The following INTS7 variants were observed in gnomAD, a reference collection of about 807,000 sequenced individuals.
INTS7 encodes chromosome 1 open reading frame 73.
Under a neutral mutation model 109.2 loss-of-function variants are expected in INTS7, and 46 were observed. That is an observed-to-expected ratio of 0.42 (90% confidence interval 0.33 to 0.54). INTS7 has a LOEUF of 0.54. Among genes scored for constraint, INTS7 ranks in the 20% least tolerant of loss-of-function variants. INTS7 has a pLI of 0.07. For missense variants in INTS7, 929 were observed against 1,132.4 expected (o/e 0.82, Z 2.58); for synonymous variants, 412 against 402.9 (o/e 1.02, Z -0.27).
intron 16 of INTS7, among the ~76,000 whole-genome samples, chr1:211,953,615 T>C (rs1051165668): frequency 6.8e-6 from 1 of 146,746 alleles, no homozygotes; most frequent in Non-Finnish European, 1.5e-5. Context: ...GTGTTCTCAT[T>C]GTTCAACTCC....
Position 211,941,702 on chromosome 1 carries a change from T to C in INTS7, c.*122A>G. The C allele has an allele frequency of 7.0e-7, 1 of 1,424,304 alleles. No individual in the cohort carries two copies. The highest frequency in any genetic ancestry group is 9.4e-7 in the Non-Finnish European group (1 of 1,060,330). 88.2% of individuals were successfully genotyped at this position (1,424,304 alleles called of 1,614,324 possible). A position where few individuals can be genotyped will look rare whatever the true frequency, so the allele number is the denominator to read the frequency against. ...CAAAATTTTTTCCAGAATATTACATTACAAAAATCAATGAATAAATGAACT... is the reference window on the plus strand; with the variant it reads ...CAAAATTTTTTCCAGAATATTACATCACAAAAATCAATGAATAAATGAACT... On this transcript the variant is annotated 3_prime_UTR_variant, in exon 20 of 20. Transcript: ENST00000366994.
In INTS7 at chr1:211,946,035, G is replaced by A. The variant is rs78397526; in HGVS notation, c.2415+572C>T. The stretch of plus-strand genomic sequence containing the variant: ...AAATCACTAATTTATTCCTGGAGGT[G>A]AGAGACAAACAACAGAGCTCCAGTT... On this transcript the variant is annotated intron_variant, in intron 18 of 19. Coordinates refer to ENST00000366994, the MANE Select transcript of INTS7 (RefSeq NM_015434.4). The surrounding 1 kb of genome is among the most constrained non-coding windows in gnomAD (Gnocchi z 4.3). 0.026 allele frequency among the ~76,000 whole-genome samples: 3,927 copies of A among 152,300 alleles called. 56 individuals are homozygous for A. The highest frequency in any genetic ancestry group is 0.045 in the African/African-American group (1,871 of 41,560).
At chr1:211,951,017 G>A (rs889647071) in intron 17 of INTS7, among the ~76,000 whole-genome samples, 1 of 152,152 alleles carries the variant, frequency 6.6e-6, no homozygotes, top group African/African-American at 2.4e-5. Flanking sequence ...AAATACTATT[G>A]ACAATTTTAC....
At chr1:211,957,768 C>G (rs1270891985) in intron 16 of INTS7, among the ~76,000 whole-genome samples, 1 of 152,066 alleles carries the variant, frequency 6.6e-6, no homozygotes, top group African/African-American at 2.4e-5. Flanking sequence ...CCTAAGAAAT[C>G]ATGACCAATT....
At chr1:211,971,747 C>A (rs1664180139) in intron 13 of INTS7, among the ~76,000 whole-genome samples, 3 of 151,822 alleles carry the variant, frequency 2.0e-5, no homozygotes, top group African/African-American at 7.3e-5. Flanking sequence ...GAAACCCTGT[C>A]TCTACTAAAA....
At chr1:212,013,592 AT>A (rs1282448708) in intron 4 of INTS7, among the ~76,000 whole-genome samples, 1 of 152,242 alleles carries the variant, frequency 6.6e-6, no homozygotes, top group East Asian at 1.9e-4. Context: ...AGGCTTTCAC[AT>A]TCATTTATCA....
chr1:211,972,961 C>G (rs1664248037), intron 13 of INTS7, among the ~76,000 whole-genome samples: 1 of 152,138 alleles, frequency 6.6e-6, no homozygotes, highest in African/African-American at 2.4e-5. Flanking sequence ...TGGACTACTA[C>G]TGCTACTTCT....
chr1:211,988,314 T>C (rs553211056), intron 7 of INTS7, among the ~76,000 whole-genome samples: 7 of 151,126 alleles, frequency 4.6e-5, no homozygotes, highest in African/African-American at 1.7e-4. Flanking sequence ...CCCAGCTACT[T>C]GGGAGGCTGA....
At chr1:211,988,720 A>C (rs1296297051) in intron 7 of INTS7, among the ~76,000 whole-genome samples, 2 of 152,170 alleles carry the variant, frequency 1.3e-5, no homozygotes, top group African/African-American at 2.4e-5. Flanking sequence ...AACTATTCTG[A>C]AACCCCCACC....
chr1:212,019,243 T>TC (rs1348607022), intron 3 of INTS7, among the ~76,000 whole-genome samples: 2 of 151,866 alleles, frequency 1.3e-5, no homozygotes, highest in Non-Finnish European at 2.9e-5. Flanking sequence ...AGAGCAAGAC[T>TC]CCATCTCAAT....
At chr1:212,019,284 G>T (rs548732906) in intron 3 of INTS7, among the ~76,000 whole-genome samples, 15 of 152,160 alleles carry the variant, frequency 9.9e-5, no homozygotes, top group African/African-American at 3.1e-4. Context: ...TAATTCGATT[G>T]AATATAGCTT....
Position 211,968,730 on chromosome 1 carries a change from A to G in INTS7, c.1816-23T>C, listed in dbSNP as rs775267970. On this transcript the variant is annotated intron_variant, in intron 13 of 19. Transcript: ENST00000366994. ...TGCCTGGGAAAAAAAAAAAAAAGAGATATTTAAGACAAAGTAAACAGAACA... is the reference window on the plus strand; with the variant it reads ...TGCCTGGGAAAAAAAAAAAAAAGAGGTATTTAAGACAAAGTAAACAGAACA... 1.3e-5 allele frequency: 20 copies of G among 1,577,146 alleles called. No individual in the cohort carries two copies. In the African/African-American group the frequency reaches 2.3e-4, roughly 18 times the overall value.
intron 7 of INTS7, among the ~76,000 whole-genome samples, chr1:212,005,305 T>G (rs1193787468): frequency 6.6e-6 from 1 of 152,114 alleles, no homozygotes; most frequent in Non-Finnish European, 1.5e-5. Flanking sequence ...AAAGAAATTA[T>G]TATCATGAAA....
intron 13 of INTS7, among the ~76,000 whole-genome samples, chr1:211,970,481 G>A (rs933165467): frequency 2.6e-5 from 4 of 152,144 alleles, no homozygotes; most frequent in Admixed American, 1.3e-4. Context: ...TAGCAAAAGA[G>A]CCAGACATGA....
At chr1:212,022,653 G>C (rs1031596764) in intron 1 of INTS7, among the ~76,000 whole-genome samples, 1 of 152,106 alleles carries the variant, frequency 6.6e-6, no homozygotes, top group African/African-American at 2.4e-5. Context: ...GTGCTAATGA[G>C]GATATGGGAT....
At chr1:212,030,255 CAG>C (rs992481840) in intron 1 of INTS7, among the ~76,000 whole-genome samples, 28 of 151,758 alleles carry the variant, frequency 1.8e-4, no homozygotes, top group African/African-American at 5.6e-4. Flanking sequence ...TTAAGTTGCC[CAG>C]AGTCTCACCT....
intron 16 of INTS7, among the ~76,000 whole-genome samples, chr1:211,961,435 T>TC (rs1663627684): frequency 6.6e-6 from 1 of 151,918 alleles, no homozygotes; most frequent in Non-Finnish European, 1.5e-5. Context: ...CAATTCTTTT[T>TC]TTTTTTTTTC....
At chr1:212,019,438 C>A (rs1309482338) in intron 3 of INTS7, among the ~76,000 whole-genome samples, 1 of 152,072 alleles carries the variant, frequency 6.6e-6, no homozygotes, top group East Asian at 1.9e-4. Flanking sequence ...AAACGACACT[C>A]AGGGAAGATG....
intron 4 of INTS7, 139 bp from the exon 5 acceptor site, chr1:212,011,560 CG>C: frequency 1.6e-6 from 1 of 626,992 alleles, no homozygotes; most frequent in South Asian, 2.0e-5. Flanking sequence ...GTCAGGTGCT[CG>C]GGTTAGGGGA....
Sources: gnomAD v4.1 joint callset for allele counts (sites outside exome capture counted in the v4.1 genomes callset) on GRCh38, gnomAD v4.1.1 for gene constraint, Gnocchi (gnomAD v3.1) non-coding constraint, MANE v1.5 for transcripts, NCBI Gene and HGNC (gene_info 2026-07-23, HGNC 2026-07-21) for gene names.